The following PEPD variants were observed in gnomAD, a reference collection of about 807,000 sequenced individuals.
PEPD encodes the protein peptidase D, also known as xaa-Pro dipeptidase.
A neutral mutation model predicts 60.7 loss-of-function variants in PEPD; 53 were observed. That is an observed-to-expected ratio of 0.87 (90% CI 0.70 to 1.10). The LOEUF is 1.10. Among genes scored for constraint, PEPD ranks in the 50% least tolerant of loss-of-function variants. The pLI is 0.00. For missense variants in PEPD, 711 were observed against 711.9 expected (o/e 1.00, Z 0.01); for synonymous variants, 267 against 284.1 (o/e 0.94, Z 0.60).
intron 12 of PEPD, among the ~76,000 whole-genome samples, chr19:33,395,301 G>C (rs990028744): frequency 6.6e-6 from 1 of 152,192 alleles, no homozygotes; most frequent in Non-Finnish European, 1.5e-5. Context: ...CCTTGCAAGG[G>C]TGGTGCCCGT....
At chr19:33,492,144 G>A (rs1970513747) in intron 5 of PEPD, among the ~76,000 whole-genome samples, 1 of 151,306 alleles carries the variant, frequency 6.6e-6, no homozygotes, top group Non-Finnish European at 1.5e-5. Context: ...AGAAGTGTAA[G>A]AAAGCACACT....
chr19:33,407,429 G>C (rs971934234), intron 11 of PEPD, among the ~76,000 whole-genome samples: 16 of 152,174 alleles, frequency 1.1e-4, no homozygotes, highest in African/African-American at 3.6e-4. Flanking sequence ...GCAGCACATG[G>C]GGGCTCAGAA....
intron 9 of PEPD, among the ~76,000 whole-genome samples, chr19:33,461,275 TC>T (rs2066145575): frequency 6.6e-6 from 1 of 152,018 alleles, no homozygotes; most frequent in African/African-American, 2.4e-5. Flanking sequence ...ATTATACTTT[TC>T]TATTATTTTG....
chr19:33,467,246 G>T (rs564769395), intron 7 of PEPD, among the ~76,000 whole-genome samples: 3 of 148,316 alleles, frequency 2.0e-5, no homozygotes, highest in Non-Finnish European at 3.1e-5. Context: ...GAGGCCCTGG[G>T]CTTGTGACAT....
At chr19:33,511,365 C>T in intron 2 of PEPD, 1 of 563,008 alleles carries the variant, frequency 1.8e-6, no homozygotes, top group South Asian at 1.8e-5. Flanking sequence ...CTCCTCTACC[C>T]TGCTGGGAGC....
chr19:33,497,704 T>C (rs984935212), intron 4 of PEPD, among the ~76,000 whole-genome samples: 11 of 152,292 alleles, frequency 7.2e-5, no homozygotes, highest in African/African-American at 2.6e-4. Flanking sequence ...CTTCCCTGCA[T>C]AAAGGGCTTC....
chr19:33,409,932 CAGA>C (rs1401405939), intron 11 of PEPD, among the ~76,000 whole-genome samples: 1 of 152,228 alleles, frequency 6.6e-6, no homozygotes, highest in Non-Finnish European at 1.5e-5. Context: ...CACAGAGACC[CAGA>C]AGAAGGGCCC....
rs115072348 is a variant in PEPD, at chr19:33,403,163, C to T, written c.819-1294G>A. 3.1e-3 allele frequency among the ~76,000 whole-genome samples: 468 copies of T among 152,308 alleles called. 3 individuals carry two copies. The highest frequency in any genetic ancestry group is 9.8e-3 in the African/African-American group (406 of 41,572). ...GAGGGGCGCAGGTGGTGCCCCTTTC[C>T]ATCCATCCCACCTAGGCACCTCGGG... On this transcript the variant is annotated intron_variant, in intron 11 of 14. Coordinates refer to ENST00000244137, the MANE Select transcript of PEPD (RefSeq NM_000285.4).
At chr19:33,498,881 G>A (rs1167623405) in intron 4 of PEPD, among the ~76,000 whole-genome samples, 1 of 152,186 alleles carries the variant, frequency 6.6e-6, no homozygotes, top group African/African-American at 2.4e-5. Flanking sequence ...CCTGGAGGCA[G>A]GTGCCCATCC....
intron 6 of PEPD, among the ~76,000 whole-genome samples, chr19:33,483,334 C>T (rs1376441638): frequency 1.3e-5 from 2 of 152,108 alleles, no homozygotes; most frequent in East Asian, 1.9e-4. Context: ...AGCTGCTCTT[C>T]GATAAGATGA....
chr19:33,413,717 C>T, intron 9 of PEPD, 74 bp from the exon 10 acceptor site: 1 of 889,608 alleles, frequency 1.1e-6, no homozygotes, highest in South Asian at 1.4e-5. Flanking sequence ...CCATGAACCC[C>T]AAGGGAAGGC....
chr19:33,397,852 A>G (rs1229444309), intron 12 of PEPD, among the ~76,000 whole-genome samples: 1 of 152,202 alleles, frequency 6.6e-6, no homozygotes, highest in East Asian at 1.9e-4. Context: ...TGGGAGACCC[A>G]GCTCAGGCCT....
chr19:33,441,277 T>C (rs934841015), intron 9 of PEPD, among the ~76,000 whole-genome samples: 3 of 152,208 alleles, frequency 2.0e-5, no homozygotes, highest in Non-Finnish European at 4.4e-5. Flanking sequence ...AGGCTGGCCT[T>C]TGGCCCTGGG....
At chr19:33,419,639 C>G (rs889622784) in intron 9 of PEPD, among the ~76,000 whole-genome samples, 1 of 152,186 alleles carries the variant, frequency 6.6e-6, no homozygotes, top group Non-Finnish European at 1.5e-5. Flanking sequence ...GTGCTGACCT[C>G]GGGGCTTGCT....
At chr19:33,500,110 C>T (rs1970681045) in intron 4 of PEPD, among the ~76,000 whole-genome samples, 2 of 152,256 alleles carry the variant, frequency 1.3e-5, no homozygotes, top group South Asian at 4.1e-4. Context: ...CTGTCCAAAG[C>T]TGATGCTGCC....
intron 9 of PEPD, among the ~76,000 whole-genome samples, chr19:33,444,569 A>G (rs1969555113): frequency 6.9e-6 from 1 of 145,962 alleles, no homozygotes. Context: ...TCCACAGGTG[A>G]GCGCTCTCAG....
chr19:33,436,897 T>C (rs1000112426), intron 9 of PEPD, among the ~76,000 whole-genome samples: 5 of 152,048 alleles, frequency 3.3e-5, no homozygotes, highest in Admixed American at 3.3e-4. Context: ...AGGCCCCTAG[T>C]CCACAGGGAG....
In PEPD at chr19:33,401,801, C is replaced by A. The variant is rs1234591339; in HGVS notation, c.887G>T (p.Gly296Val). 6.2e-7 allele frequency: 1 copy of A among 1,612,754 alleles called. No individual in the cohort carries two copies. The highest frequency in any genetic ancestry group is 8.5e-7 in the Non-Finnish European group (1 of 1,179,704). ...SDITCSFPAN[G>V]KFTADQKAVY... ...GGCCTTCTGGTCTGCAGTGAACTTGCCGTTGGCGGGAAAGGAGCAGGTGAT... is the reference window on the plus strand; with the variant it reads ...GGCCTTCTGGTCTGCAGTGAACTTGACGTTGGCGGGAAAGGAGCAGGTGAT... The change falls in exon 12 of 15, where the codon GGC becomes GTC. Residue 296 changes from glycine (G) to valine (V), a missense_variant. Physicochemically the swap from Gly to Val is moderately radical, Grantham distance 109. Transcript: ENST00000244137.
intron 14 of PEPD, 97 bp from the exon 15 acceptor site, chr19:33,387,578 G>A: frequency 6.6e-6 from 10 of 1,510,806 alleles, no homozygotes; most frequent in Non-Finnish European, 1.8e-6. Context: ...CATGGGATGG[G>A]AGCAGCTGAC....
Sources: gnomAD v4.1 joint callset for allele counts (sites outside exome capture counted in the v4.1 genomes callset) on GRCh38, gnomAD v4.1.1 for gene constraint, MANE v1.5 for transcripts, NCBI Gene and HGNC (gene_info 2026-07-23, HGNC 2026-07-21) for gene names.